Variants in POGZ observed in about 807,000 individuals in gnomAD.
POGZ encodes pogo transposable element derived with ZNF domain, also known as pogo transposable element with ZNF domain.
In POGZ, 17 loss-of-function variants were observed where a neutral mutation model predicts 134.6. That is an observed-to-expected ratio of 0.13 (90% CI 0.09 to 0.19). The LOEUF is 0.19. POGZ is among the 10% of genes least tolerant of loss of function. POGZ has a pLI of 1.00. For synonymous variants in POGZ, 693 were observed against 657.1 expected, an observed-to-expected ratio of 1.05 and a Z score of -0.84; for missense variants, 1,306 against 1,769.7, an observed-to-expected ratio of 0.74 and a Z score of 4.70.
rs1049566031 is a variant in POGZ, at chr1:151,405,003, G to A, written c.4032C>T (p.Asp1344=). ...GGGAGGCAATTAGCTCCTCCTGCAT[G>A]TCAGCATTTCTTGTAGGTGAGTTAA... ...GNINSPTRNA[D]MQEELIASLE... The change falls in exon 19 of 19, where the codon GAC becomes GAT. Residue 1344 remains aspartate, a synonymous_variant. Coordinates refer to ENST00000271715, the MANE Select transcript of POGZ (RefSeq NM_015100.4). This position sits in a 1 kb window ranked among gnomAD's most constrained non-coding sequence, Gnocchi z 4.9. The A allele has an allele frequency of 6.2e-7, 1 of 1,614,186 alleles. No individual in the cohort carries two copies. Among genetic ancestry groups the A allele is most frequent in the Non-Finnish European group, 8.5e-7 (1 of 1,180,034 alleles).
chr1:151,435,762 T>C (rs1306815427), intron 3 of POGZ, among the ~76,000 whole-genome samples: 2 of 152,118 alleles, frequency 1.3e-5, no homozygotes, highest in Non-Finnish European at 2.9e-5. Flanking sequence ...CCCAAAGTGC[T>C]GGGATTACAG....
chr1:151,404,170 A>G lies in POGZ; in HGVS notation c.*632T>C, dbSNP rs552525751. 632 of 985,362 alleles carry G rather than the reference A, an allele frequency of 6.4e-4. 2 individuals carry two copies. Among genetic ancestry groups the G allele is most frequent in the Non-Finnish European group, 7.5e-4 (619 of 829,858 alleles). The allele number at this position is 985,362 out of a possible 1,614,324, so 61.0% of individuals were successfully genotyped here. A position where few individuals can be genotyped will look rare whatever the true frequency, so the allele number is the denominator to read the frequency against. Reference sequence around the variant, plus strand: ...TTGCTGTAGAAACCAACATCTCTGGAGAGGGAAGGAAAGAAAAGGAGAAGG... The same window carrying G: ...TTGCTGTAGAAACCAACATCTCTGGGGAGGGAAGGAAAGAAAAGGAGAAGG... On this transcript the variant is annotated 3_prime_UTR_variant, in exon 19 of 19. Transcript: ENST00000271715.
rs756390106 is a variant in POGZ at position 151,405,784 on chromosome 1, T to C, written c.3251A>G (p.His1084Arg). Residue 1084 changes from histidine to arginine, a missense_variant, in exon 19 of 19, where the codon CAT (histidine) becomes CGT (arginine). Physicochemically the swap from His to Arg is conservative, Grantham distance 29. Around this residue, in one of 10 missense-constraint regions of POGZ, gnomAD observed 161 missense variants for 185.4 expected, o/e 0.87. Transcript: ENST00000271715. This position sits in a 1 kb window ranked among gnomAD's most constrained non-coding sequence, Gnocchi z 4.9. ...RFMLRHHLTP[H>R]ARRAVAHTLP... ...GGTGTGGGCCACAGCTCGCCGGGCA[T>C]GGGGAGTCAGGTGGTGCCGCAGCAT... is the stretch of plus-strand genomic sequence containing the variant. 4 of 1,614,172 alleles carry C rather than the reference T, an allele frequency of 2.5e-6. No homozygotes were observed. Among genetic ancestry groups the C allele is most frequent in the South Asian group, 2.2e-5 (2 of 91,074 alleles).
chr1:151,406,282 G>C lies in POGZ; in HGVS notation c.2753C>G (p.Pro918Arg). 6.2e-7 allele frequency: 1 copy of C among 1,612,112 alleles called. No homozygotes were observed. The highest frequency in any genetic ancestry group is 1.7e-5 in the Admixed American group (1 of 59,926). The change falls in exon 19 of 19, where the codon CCA (proline) becomes CGA (arginine). Residue 918 changes from proline to arginine, a missense_variant. Physicochemically the swap from Pro to Arg is moderately radical, Grantham distance 103. Transcript: ENST00000271715. ...LPSPASTATP[P>R]PTPTHPQALA... ...AGCCTGCGGGTGAGTGGGGGTTGGT[G>C]GTGGGGTTGCAGTTGAGGCTGGTGA...
intron 1 of POGZ, among the ~76,000 whole-genome samples, chr1:151,446,046 C>CTT (rs573169016): frequency 2.3e-3 from 280 of 123,888 alleles, no homozygotes; most frequent in South Asian, 7.5e-3. Flanking sequence ...CGTCTTTCAA[C>CTT]TTTTTTTTTT....
In POGZ at chr1:151,424,220, G is replaced by A; in HGVS notation, c.1252C>T (p.Pro418Ser). ...GGGGATGGGGGCTTTGCTGCTGATG[G>A]GACACTGGGTTCTGAATCCAGGGAC... ...GKSLDSEPSV[P>S]SAAKPPSPEK... is the part of the protein sequence containing the mutation. The change falls in exon 9 of 19, where the codon CCA (proline) becomes TCA (serine). Residue 418 changes from proline to serine, a missense_variant. Pro to Ser is a moderately conservative substitution (Grantham distance 74, BLOSUM62 -1). Around this residue, in one of 10 missense-constraint regions of POGZ, gnomAD observed 541 missense variants for 680.5 expected, o/e 0.80. Coordinates refer to ENST00000271715, the MANE Select transcript of POGZ (RefSeq NM_015100.4). The A allele has an allele frequency of 6.2e-7, 1 of 1,613,792 alleles. No individual in the cohort carries two copies. Among genetic ancestry groups the A allele is most frequent in the Non-Finnish European group, 8.5e-7 (1 of 1,179,806 alleles).
intron 10 of POGZ, among the ~76,000 whole-genome samples, chr1:151,416,074 G>A (rs1655596246): frequency 2.0e-5 from 3 of 151,690 alleles, no homozygotes; most frequent in Non-Finnish European, 4.4e-5. Context: ...CGGGTGTGGT[G>A]GTGCACGCCT....
At chr1:151,411,803 G>A (rs1654725320) in intron 11 of POGZ, 32 bp from the exon 12 acceptor site, 1 of 1,573,914 alleles carries the variant, frequency 6.4e-7, no homozygotes, top group African/African-American at 1.4e-5. Flanking sequence ...ATAAGGCTAA[G>A]AATGAAGTGA....
At chr1:151,441,278 T>C (rs1660484801) in intron 2 of POGZ, among the ~76,000 whole-genome samples, 192 bp from the exon 3 acceptor site, 1 of 152,214 alleles carries the variant, frequency 6.6e-6, no homozygotes, top group Admixed American at 6.5e-5. Flanking sequence ...CAATCCCTTC[T>C]TCGTCTCACA....
chr1:151,416,246 G>GAAAAAAAAAAA (rs1655660917), intron 10 of POGZ, among the ~76,000 whole-genome samples: 1 of 102,312 alleles, frequency 9.8e-6, no homozygotes, highest in Non-Finnish European at 2.1e-5. Flanking sequence ...GAAAAAGAAA[G>GAAAAAAAAAAA]AAAAGAAAAA....
chr1:151,457,970 G>A (rs2102447065), intron 1 of POGZ, among the ~76,000 whole-genome samples: 1 of 151,250 alleles, frequency 6.6e-6, no homozygotes, highest in African/African-American at 2.4e-5. Flanking sequence ...GTGGAGTTTT[G>A]AGCGGCGGTA....
At chr1:151,449,701 C>A (rs576368741) in intron 1 of POGZ, among the ~76,000 whole-genome samples, 9 of 152,214 alleles carry the variant, frequency 5.9e-5, no homozygotes, top group African/African-American at 2.2e-4. Flanking sequence ...TCAAGACCAT[C>A]CTGGCTAACA....
intron 10 of POGZ, among the ~76,000 whole-genome samples, chr1:151,422,431 G>C (rs1180953882): frequency 1.3e-5 from 2 of 152,188 alleles, no homozygotes; most frequent in Non-Finnish European, 2.9e-5. Context: ...ATCCCCAGTA[G>C]AGGTGTATTT....
chr1:151,450,563 G>A (rs1338345880), intron 1 of POGZ, among the ~76,000 whole-genome samples: 2 of 152,008 alleles, frequency 1.3e-5, no homozygotes, highest in Non-Finnish European at 2.9e-5. Context: ...ATATTGCCCA[G>A]GCTGGTCTTG....
In POGZ at chr1:151,408,688, CTT is replaced by C. The variant is rs749025678; in HGVS notation, c.2061+4_2061+5del. On this transcript the variant is annotated splice_donor_5th_base_variant and intron_variant, in intron 13 of 18. Transcript: ENST00000271715. The stretch of plus-strand genomic sequence containing the variant: ...GGCCTATAAAAGACACTGGCAAACT[CTT>C]TACCTTGGTGCCTGGTTTCAAGCCC... 5 of 1,613,314 alleles carry C rather than the reference CTT, an allele frequency of 3.1e-6. No individual in the cohort carries two copies. The Admixed American group carries it at 8.4e-5, about 27-fold the overall frequency.
chr1:151,407,979 T>A (rs375976505), intron 15 of POGZ, 121 bp downstream of exon 15: 2 of 744,660 alleles, frequency 2.7e-6, no homozygotes, highest in African/African-American at 2.0e-5. Flanking sequence ...GCTATTGCAC[T>A]CCAGCCTAGG....
intron 3 of POGZ, among the ~76,000 whole-genome samples, chr1:151,434,274 T>G (rs1230876675): frequency 6.6e-6 from 1 of 152,066 alleles, no homozygotes; most frequent in Non-Finnish European, 1.5e-5. Flanking sequence ...GCCACTGCAC[T>G]CCAGTCTGGG....
rs552957484 is a variant in POGZ, at chr1:151,404,475, ATTT to A, written c.*324_*326del. 1.8e-5 allele frequency: 18 copies of A among 1,026,396 alleles called. No individual in the cohort carries two copies. The Admixed American group carries it at 8.2e-4, about 47-fold the overall frequency. The allele number at this position is 1,026,396 out of a possible 1,614,324, so 63.6% of individuals were successfully genotyped here. ...AAAATTTAACATTTGCCCACAAATA[ATTT>A]TTTTTCTTTTTCTTAATTTTGTCAG... is the stretch of plus-strand genomic sequence containing the variant. On this transcript the variant is annotated 3_prime_UTR_variant, in exon 19 of 19. Transcript: ENST00000271715.
chr1:151,423,890 A>G (rs1358529897), intron 9 of POGZ, 59 bp downstream of exon 9: 15 of 1,321,720 alleles, frequency 1.1e-5, no homozygotes, highest in East Asian at 2.3e-5. Flanking sequence ...CTTAAAATAT[A>G]TAAGAAAATG....
Sources: gnomAD v4.1 joint callset for allele counts (sites outside exome capture counted in the v4.1 genomes callset) on GRCh38, gnomAD v4.1.1 for gene constraint, gnomAD v4.1.1 regional missense constraint, Gnocchi (gnomAD v3.1) non-coding constraint, MANE v1.5 for transcripts, NCBI Gene and HGNC (gene_info 2026-07-23, HGNC 2026-07-21) for gene names.